DGCR8: variants seen among roughly 807,000 people sequenced by gnomAD.
The protein encoded by DGCR8 is microprocessor complex subunit DGCR8.
A neutral mutation model predicts 78.5 loss-of-function variants in DGCR8; 14 were observed. That is an observed-to-expected ratio of 0.18 (90% CI 0.12 to 0.28). DGCR8 has a LOEUF of 0.28. Ranked by LOEUF, DGCR8 falls within the 10% of genes least tolerant of loss-of-function variation. The probability of loss-of-function intolerance (pLI) is 1.00; values close to 1 mark genes in which losing one functional copy is unlikely to be tolerated. For synonymous variants in DGCR8, 399 were observed against 402.4 expected (o/e 0.99, Z 0.10); for missense variants, 702 against 1,022.5 (o/e 0.69, Z 4.28).
intron 1 of DGCR8, among the ~76,000 whole-genome samples, chr22:20,084,335 T>C (rs144255803): frequency 2.5e-3 from 387 of 152,340 alleles, no homozygotes; most frequent in African/African-American, 8.9e-3. Context: ...CGCATGTGCA[T>C]GCATGCGTGT....
At chr22:20,098,610 G>T (rs562777300) in intron 9 of DGCR8, among the ~76,000 whole-genome samples, 19 of 152,290 alleles carry the variant, frequency 1.2e-4, no homozygotes, top group Admixed American at 7.2e-4. Context: ...GTAACAAAGT[G>T]TCACAGACTG....
At chr22:20,102,785 T>G (rs571233584) in intron 9 of DGCR8, among the ~76,000 whole-genome samples, 2 of 152,358 alleles carry the variant, frequency 1.3e-5, no homozygotes, top group South Asian at 4.1e-4. Context: ...GTTTTGGCTA[T>G]TCTAGCTCCT....
In DGCR8 at chr22:20,080,325, G is replaced by A; in HGVS notation, c.-336G>A. On this transcript the variant is annotated 5_prime_UTR_variant, in exon 1 of 14. An upstream open reading frame in the 5' UTR loses its in-frame stop. Coordinates refer to ENST00000351989, the MANE Select transcript of DGCR8 (RefSeq NM_022720.7). ...CAGATGGCTGCGGCGGTCGGTCGGT[G>A]AGGCTTTCCCGGCTGTGGTTTGGCT... The A allele has an allele frequency of 1.0e-6, 1 of 981,010 alleles. No individual in the cohort carries two copies. Among genetic ancestry groups the A allele is most frequent in the Non-Finnish European group, 1.2e-6 (1 of 828,200 alleles). The allele number at this position is 981,010 out of a possible 1,614,324, so 60.8% of individuals were successfully genotyped here.
In DGCR8 at chr22:20,093,298, G is replaced by A. The variant is rs571037791; in HGVS notation, c.1705+391G>A. Reference sequence around the variant, plus strand: ...CGGGCACCTGTAGTCTCAGCTACTCGGGAGGCTGAGGCAGGAGAATGGCGT... The same window carrying A: ...CGGGCACCTGTAGTCTCAGCTACTCAGGAGGCTGAGGCAGGAGAATGGCGT... On this transcript the variant is annotated intron_variant, in intron 8 of 13. Transcript: ENST00000351989. 8.5e-5 allele frequency among the ~76,000 whole-genome samples: 13 copies of A among 152,122 alleles called. No individual in the cohort carries two copies. In the East Asian group the frequency reaches 1.8e-3, roughly 20 times the overall value.
intron 9 of DGCR8, chr22:20,096,396 A>T (rs2049629193): frequency 1.0e-6 from 1 of 979,132 alleles, no homozygotes; most frequent in Middle Eastern, 5.3e-4. Context: ...GTTCAAATCC[A>T]TGTTGTTCAA....
chr22:20,094,608 C>A, intron 8 of DGCR8, 105 bp from the exon 9 acceptor site: 1 of 1,032,888 alleles, frequency 9.7e-7, no homozygotes, highest in Non-Finnish European at 1.5e-6. Context: ...CCTCGCTCAG[C>A]CTCTGAGCTG....
chr22:20,091,239 T>G (rs1246263603), intron 5 of DGCR8, among the ~76,000 whole-genome samples, 196 bp from the exon 6 acceptor site: 1 of 152,250 alleles, frequency 6.6e-6, no homozygotes, highest in Non-Finnish European at 1.5e-5. Flanking sequence ...TCTCAGAAAT[T>G]CATCCAGAAG....
intron 7 of DGCR8, 78 bp from the exon 8 acceptor site, chr22:20,092,730 CT>C: frequency 7.8e-7 from 1 of 1,278,620 alleles, no homozygotes; most frequent in East Asian, 2.4e-5. Flanking sequence ...TGCGCCTTGT[CT>C]GTCGGTGTGG....
intron 1 of DGCR8, among the ~76,000 whole-genome samples, chr22:20,081,356 T>TC (rs1203111809): frequency 1.3e-5 from 2 of 152,196 alleles, no homozygotes; most frequent in African/African-American, 4.8e-5. Context: ...ACGGGTTTTC[T>TC]CCCCGTGCCA....
In DGCR8 at chr22:20,086,584, C is replaced by A. The variant is rs1160689868; in HGVS notation, c.621C>A (p.Asp207Glu). ...AVLDELEDFTDNLELDEEGAG... is the reference protein window; with the variant it reads ...AVLDELEDFTENLELDEEGAG... ...TCGATGAGTTAGAAGATTTTACTGACAATTTGGAGCTAGATGAAGAAGGAG... is the reference window on the plus strand; with the variant it reads ...TCGATGAGTTAGAAGATTTTACTGAAAATTTGGAGCTAGATGAAGAAGGAG... Residue 207 changes from aspartate (D) to glutamate (E), a missense_variant, in exon 2 of 14, where the codon GAC becomes GAA. By Grantham distance (45) the Asp-to-Glu change is conservative. Coordinates refer to ENST00000351989, the MANE Select transcript of DGCR8 (RefSeq NM_022720.7). This position sits in a 1 kb window ranked among gnomAD's most constrained non-coding sequence, Gnocchi z 6.4. 1 of 1,613,756 alleles carries A rather than the reference C, an allele frequency of 6.2e-7. No individual in the cohort carries two copies. Among genetic ancestry groups the A allele is most frequent in the South Asian group, 1.1e-5 (1 of 91,076 alleles).
intron 9 of DGCR8, among the ~76,000 whole-genome samples, chr22:20,095,662 C>T (rs532455519): frequency 5.3e-5 from 8 of 152,200 alleles, no homozygotes; most frequent in Non-Finnish European, 1.0e-4. Flanking sequence ...AATTTTTCCA[C>T]AGACGGTGTT....
intron 1 of DGCR8, among the ~76,000 whole-genome samples, chr22:20,082,608 C>G (rs552119776): frequency 2.0e-5 from 3 of 151,644 alleles, no homozygotes; most frequent in Non-Finnish European, 4.4e-5. Context: ...ACCTTGTGGT[C>G]CGCCTGCCTC....
chr22:20,081,385 C>T (rs563872520), intron 1 of DGCR8, among the ~76,000 whole-genome samples: 14 of 152,340 alleles, frequency 9.2e-5, no homozygotes, highest in African/African-American at 3.4e-4. Context: ...GGGGAGCTTG[C>T]CGTGAGCCCG....
Position 20,086,740 on chromosome 22 carries a change from G to A in DGCR8, c.720+57G>A. The A allele has an allele frequency of 6.7e-6, 10 of 1,488,794 alleles. No individual in the cohort carries two copies. The highest frequency in any genetic ancestry group is 2.3e-5 in the Admixed American group (1 of 43,506). The allele number at this position is 1,488,794 out of a possible 1,614,324, so 92.2% of individuals were successfully genotyped here. A position where few individuals can be genotyped will look rare whatever the true frequency, so the allele number is the denominator to read the frequency against. On this transcript the variant is annotated intron_variant, in intron 2 of 13. Coordinates refer to ENST00000351989, the MANE Select transcript of DGCR8 (RefSeq NM_022720.7). The surrounding 1 kb of genome is among the most constrained non-coding windows in gnomAD (Gnocchi z 6.4). ...TTAGCAAAACCCAAAGAGAGATTTG[G>A]GAATTGCAGCATCTTTTGAAAGCAG...
In DGCR8 at chr22:20,110,910, A is replaced by AT. The variant is rs2049833597; in HGVS notation, c.*808dup. The stretch of plus-strand genomic sequence containing the variant: ...CCTCCGGCAACAGTTTTTTACAAAG[A>AT]TTTTTTGCAGTCGAGTCCATATGTC... On this transcript the variant is annotated 3_prime_UTR_variant, in exon 14 of 14. Coordinates refer to ENST00000351989, the MANE Select transcript of DGCR8 (RefSeq NM_022720.7). 1 of 334,862 alleles carries AT rather than the reference A, an allele frequency of 3.0e-6. No homozygotes were observed. The highest frequency in any genetic ancestry group is 4.5e-5 in the East Asian group (1 of 22,192). The allele number at this position is 334,862 out of a possible 1,614,324, so 20.7% of individuals were successfully genotyped here. A position where few individuals can be genotyped will look rare whatever the true frequency, so the allele number is the denominator to read the frequency against.
At chr22:20,082,062 T>C (rs962492277) in intron 1 of DGCR8, among the ~76,000 whole-genome samples, 1 of 151,256 alleles carries the variant, frequency 6.6e-6, no homozygotes, top group Non-Finnish European at 1.5e-5. Context: ...TTTTTTTTTT[T>C]TTTTGTTTTT....
At position 20,092,980 on chromosome 22, in the gene DGCR8, G is replaced by C. The variant is rs539449652; in HGVS notation, c.1705+73G>C. 6.8e-5 allele frequency: 83 copies of C among 1,214,246 alleles called. No homozygotes were observed. In the African/African-American group the frequency reaches 1.1e-3, roughly 17 times the overall value. The allele number at this position is 1,214,246 out of a possible 1,614,324, so 75.2% of individuals were successfully genotyped here. A position where few individuals can be genotyped will look rare whatever the true frequency, so the allele number is the denominator to read the frequency against. ...TGCCTCGCTGCTTGGTTAGGGAGGGGCTGAGCAGTGGTGACAAGTGGGGGA... is the reference window on the plus strand; with the variant it reads ...TGCCTCGCTGCTTGGTTAGGGAGGGCCTGAGCAGTGGTGACAAGTGGGGGA... On this transcript the variant is annotated intron_variant, in intron 8 of 13. Coordinates refer to ENST00000351989, the MANE Select transcript of DGCR8 (RefSeq NM_022720.7).
Position 20,089,884 on chromosome 22 carries a change from C to G in DGCR8, c.1023+73C>G. The G allele has an allele frequency of 6.3e-7, 1 of 1,594,272 alleles. No individual in the cohort carries two copies. Among genetic ancestry groups the G allele is most frequent in the Non-Finnish European group, 8.6e-7 (1 of 1,167,912 alleles). On this transcript the variant is annotated intron_variant, in intron 4 of 13. Coordinates refer to ENST00000351989, the MANE Select transcript of DGCR8 (RefSeq NM_022720.7). The surrounding 1 kb of genome is among the most constrained non-coding windows in gnomAD (Gnocchi z 4.9). The stretch of plus-strand genomic sequence containing the variant: ...AAAACGTGCACATCCACACACATGG[C>G]ACCGCAGCCAAGCAGAGGCCGGTGA...
chr22:20,111,492 A>G lies in DGCR8; in HGVS notation c.*1384A>G. On this transcript the variant is annotated 3_prime_UTR_variant, in exon 14 of 14. Transcript: ENST00000351989. The stretch of plus-strand genomic sequence containing the variant: ...TTTAAAAAAGAAACCCTCAACTCAA[A>G]TTGCTATAATTAGACACTTGCTTCT... 2.5e-6 allele frequency: 1 copy of G among 398,080 alleles called. No homozygotes were observed. Among genetic ancestry groups the G allele is most frequent in the Admixed American group, 4.4e-5 (1 of 22,710 alleles). 24.7% of individuals were successfully genotyped at this position (398,080 alleles called of 1,614,324 possible).
Sources: gnomAD v4.1 joint callset for allele counts (sites outside exome capture counted in the v4.1 genomes callset) on GRCh38, gnomAD v4.1.1 for gene constraint, Gnocchi (gnomAD v3.1) non-coding constraint, MANE v1.5 for transcripts, NCBI Gene and HGNC (gene_info 2026-07-23, HGNC 2026-07-21) for gene names.